Variants in GALNT17 observed in about 807,000 individuals in gnomAD.
GALNT17 encodes the protein polypeptide N-acetylgalactosaminyltransferase 17.
GALNT17 carries 29 observed loss-of-function variants against 63.7 expected under a neutral mutation model. The observed-to-expected ratio is 0.46, with a 90% CI of 0.34 to 0.62. The LOEUF (loss-of-function observed/expected upper bound fraction) is 0.62. GALNT17 is among the 20% of genes least tolerant of loss of function. GALNT17 has a pLI of 0.01. For missense variants in GALNT17, 603 were observed against 799.6 expected (o/e 0.75, Z 2.97); for synonymous variants, 305 against 318.3 (o/e 0.96, Z 0.45).
chr7:71,263,672 C>G (rs1202338543), intron 1 of GALNT17, among the ~76,000 whole-genome samples: 4 of 152,004 alleles, frequency 2.6e-5, no homozygotes, highest in African/African-American at 7.3e-5. Flanking sequence ...GCCTGTAATC[C>G]CAGCACTTTG....
chr7:71,486,931 A>C (rs925156870), intron 5 of GALNT17, among the ~76,000 whole-genome samples: 1 of 151,898 alleles, frequency 6.6e-6, no homozygotes, highest in African/African-American at 2.4e-5. Flanking sequence ...GACAGCTCAC[A>C]GCCAAGTTCC....
intron 3 of GALNT17, among the ~76,000 whole-genome samples, chr7:71,400,598 C>T (rs963348593): frequency 6.6e-6 from 1 of 152,096 alleles, no homozygotes; most frequent in Non-Finnish European, 1.5e-5. Context: ...GTAAATGTTT[C>T]TTTCCAAAAT....
chr7:71,496,924 A>T (rs1374042813), intron 5 of GALNT17, among the ~76,000 whole-genome samples: 1 of 151,872 alleles, frequency 6.6e-6, no homozygotes, highest in African/African-American at 2.4e-5. Context: ...AATTAAAAAA[A>T]AAAAATAACC....
At chr7:71,280,774 A>T (rs1357270345) in intron 1 of GALNT17, among the ~76,000 whole-genome samples, 1 of 152,110 alleles carries the variant, frequency 6.6e-6, no homozygotes, top group Non-Finnish European at 1.5e-5. Context: ...ATGTCCTAGG[A>T]AAGTCTCTGG....
intron 3 of GALNT17, among the ~76,000 whole-genome samples, chr7:71,393,840 C>T (rs1435370953): frequency 6.6e-6 from 1 of 152,178 alleles, no homozygotes. Flanking sequence ...TGAAATCATT[C>T]AGGCAACATT....
intron 1 of GALNT17, among the ~76,000 whole-genome samples, chr7:71,159,829 T>A (rs1452240464): frequency 6.6e-6 from 1 of 151,378 alleles, no homozygotes; most frequent in Non-Finnish European, 1.5e-5. Flanking sequence ...TCACCCAGTC[T>A]GGGGTGCAGT....
rs568772142 is a variant in GALNT17 at position 71,243,168 on chromosome 7, TTCTCTGA to T, written c.239-92378_239-92372del. On this transcript the variant is annotated intron_variant, in intron 1 of 10. Transcript: ENST00000333538. Reference sequence around the variant, plus strand: ...GATCTGATGGTTTTACAAGGCAGTTTTCTCTGATCTTTCTTGTCCTCTCTTGCTGCCA... The same window carrying T: ...GATCTGATGGTTTTACAAGGCAGTTTTCTTTCTTGTCCTCTCTTGCTGCCA... Among the ~76,000 whole-genome samples, 194 of 152,282 alleles carry T rather than the reference TTCTCTGA, an allele frequency of 1.3e-3. 1 individual carries two copies. The highest frequency in any genetic ancestry group is 8.5e-3 in the South Asian group (41 of 4,816).
chr7:71,665,620 A>C (rs1468936209), intron 7 of GALNT17, 24 bp downstream of exon 7: 1 of 1,608,964 alleles, frequency 6.2e-7, no homozygotes, highest in African/African-American at 1.3e-5. Context: ...GCCTTTCCCC[A>C]CCACCCCAGT....
chr7:71,690,176 C>T (rs1445004139), intron 9 of GALNT17, among the ~76,000 whole-genome samples: 1 of 152,008 alleles, frequency 6.6e-6, no homozygotes, highest in African/African-American at 2.4e-5. Context: ...AGGTGCGCAC[C>T]ATCACGCCCA....
chr7:71,697,045 G>A (rs1236557882), intron 9 of GALNT17, among the ~76,000 whole-genome samples: 3 of 152,148 alleles, frequency 2.0e-5, no homozygotes, highest in East Asian at 3.9e-4. Flanking sequence ...TGCACATACA[G>A]GGAAGGCAGG....
intron 2 of GALNT17, among the ~76,000 whole-genome samples, chr7:71,382,318 T>C (rs1301793900): frequency 1.3e-5 from 2 of 151,490 alleles, no homozygotes; most frequent in Non-Finnish European, 2.9e-5. Flanking sequence ...GGGCGGAGGG[T>C]ACAGTGAGTC....
At chr7:71,461,850 C>CGACA (rs1486231981) in intron 5 of GALNT17, among the ~76,000 whole-genome samples, 1 of 152,196 alleles carries the variant, frequency 6.6e-6, no homozygotes, top group Non-Finnish European at 1.5e-5. Flanking sequence ...ACAGATGTCT[C>CGACA]GACAGGTCCG....
intron 5 of GALNT17, among the ~76,000 whole-genome samples, chr7:71,524,334 ATATTAT>A (rs535698921): frequency 6.7e-6 from 1 of 148,976 alleles, no homozygotes; most frequent in African/African-American, 2.5e-5. Flanking sequence ...TTAACTAGTA[ATATTAT>A]TATTAAATAG....
chr7:71,340,240 C>T (rs1385325012), intron 2 of GALNT17, among the ~76,000 whole-genome samples: 2 of 152,102 alleles, frequency 1.3e-5, no homozygotes, highest in Non-Finnish European at 2.9e-5. Context: ...CAGAGACTGC[C>T]CTTTCTCATC....
intron 1 of GALNT17, among the ~76,000 whole-genome samples, chr7:71,220,361 A>G (rs1416181883): frequency 6.6e-6 from 1 of 152,214 alleles, no homozygotes; most frequent in Non-Finnish European, 1.5e-5. Context: ...CTTGGCACCA[A>G]CAACAGAAAC....
intron 1 of GALNT17, among the ~76,000 whole-genome samples, chr7:71,163,557 AC>A (rs945795309): frequency 6.6e-6 from 1 of 152,190 alleles, no homozygotes; most frequent in Non-Finnish European, 1.5e-5. Context: ...AGTCATAGTT[AC>A]TTCTTTTGGA....
At chr7:71,254,409 G>A (rs1475556632) in intron 1 of GALNT17, among the ~76,000 whole-genome samples, 1 of 152,186 alleles carries the variant, frequency 6.6e-6, no homozygotes, top group African/African-American at 2.4e-5. Flanking sequence ...TTCCCTACAA[G>A]AGATAGCTTT....
intron 5 of GALNT17, among the ~76,000 whole-genome samples, chr7:71,483,287 G>A (rs746306762): frequency 1.3e-5 from 2 of 151,982 alleles, no homozygotes; most frequent in Non-Finnish European, 2.9e-5. Flanking sequence ...CCTGGGCAGC[G>A]TGGCCAAACT....
At chr7:71,235,345 A>G (rs1431802837) in intron 1 of GALNT17, among the ~76,000 whole-genome samples, 2 of 152,102 alleles carry the variant, frequency 1.3e-5, no homozygotes, top group East Asian at 3.9e-4. Flanking sequence ...TTTATTGCAC[A>G]GAAGGCTGCA....
Sources: gnomAD v4.1 joint callset for allele counts (sites outside exome capture counted in the v4.1 genomes callset) on GRCh38, gnomAD v4.1.1 for gene constraint, MANE v1.5 for transcripts, NCBI Gene and HGNC (gene_info 2026-07-23, HGNC 2026-07-21) for gene names.